NOP56: variants seen among roughly 807,000 people sequenced by gnomAD.
NOP56 encodes the protein nucleolar protein 56.
NOP56 carries 31 observed loss-of-function variants against 58.3 expected under a neutral mutation model. The observed-to-expected ratio is 0.53, with a 90% CI of 0.40 to 0.72. The LOEUF (loss-of-function observed/expected upper bound fraction) is 0.72, where lower values mean the gene tolerates loss of function less well. NOP56 is among the 30% of genes least tolerant of loss of function. The pLI is 0.00. For synonymous variants in NOP56, 313 were observed against 282.8 expected (o/e 1.11, Z -1.07); for missense variants, 669 against 739.9 (o/e 0.90, Z 1.11).
rs2086843809 is a variant in NOP56 at position 2,657,652 on chromosome 20, T to C, written c.1420-277T>C. On this transcript the variant is annotated intron_variant, in intron 11 of 11. Coordinates refer to ENST00000329276, the MANE Select transcript of NOP56 (RefSeq NM_006392.4). ...TTTCTTAAACAGTGTTTCAGGGCCC[T>C]GTCTGGAACTTGGCATGATGGTTCT... 1.4e-5 allele frequency: 7 copies of C among 514,766 alleles called. No homozygotes were observed. In the East Asian group the frequency reaches 2.0e-4, roughly 14 times the overall value. The allele number at this position is 514,766 out of a possible 1,614,324, so 31.9% of individuals were successfully genotyped here.
At position 2,656,784 on chromosome 20, in the gene NOP56, G is replaced by A. The variant is rs145178382; in HGVS notation, c.1170G>A (p.Thr390=). ...CCCACACACATCCAGAGGTGCCCAC[G>A]AGTGTATTCGGGGAGAAGCTTCGAG... The part of the protein sequence containing the change: ...SRIDCFSEVP[T]SVFGEKLREQ... The change falls in exon 10 of 12, where the codon ACG becomes ACA. Residue 390 remains threonine (T), a synonymous_variant. Transcript: ENST00000329276. The A allele has an allele frequency of 2.5e-4, 405 of 1,614,142 alleles. No homozygotes were observed. The highest frequency in any genetic ancestry group is 7.5e-4 in the African/African-American group (56 of 75,036).
At position 2,657,179 on chromosome 20, in the gene NOP56, G is replaced by A. The variant is rs1313735458; in HGVS notation, c.1380G>A (p.Ala460=). The change falls in exon 11 of 12, where the codon GCG becomes GCA. Residue 460 remains alanine, a synonymous_variant. Transcript: ENST00000329276. Reference sequence around the variant, plus strand: ...AACGGCTGGCTGCACTTGCCCTCGCGTCTTCAGAAAACAGCAGTAGTACTC... The same window carrying A: ...AACGGCTGGCTGCACTTGCCCTCGCATCTTCAGAAAACAGCAGTAGTACTC... ...EKKRLAALAL[A]SSENSSSTPE... The A allele has an allele frequency of 7.4e-6, 12 of 1,614,142 alleles. No homozygotes were observed. The highest frequency in any genetic ancestry group is 1.7e-5 in the Admixed American group (1 of 60,006).
rs768776077 is a variant in NOP56 at position 2,653,417 on chromosome 20, C to T, written c.208+24C>T. ...AGGTAAGTCGGCCACCGCCAAGTGT[C>T]ACAGAGAGATGTGGTTCCTTTCGGT... On this transcript the variant is annotated intron_variant, in intron 3 of 11. Transcript: ENST00000329276. The T allele has an allele frequency of 3.2e-6, 5 of 1,581,926 alleles. No individual in the cohort carries two copies. In the East Asian group the frequency reaches 6.7e-5, roughly 21 times the overall value.
At position 2,658,348 on chromosome 20, in the gene NOP56, T is replaced by A; in HGVS notation, c.*54T>A. 1 of 1,605,798 alleles carries A rather than the reference T, an allele frequency of 6.2e-7. No homozygotes were observed. Among genetic ancestry groups the A allele is most frequent in the Non-Finnish European group, 8.5e-7 (1 of 1,176,154 alleles). On this transcript the variant is annotated 3_prime_UTR_variant, in exon 12 of 12. Transcript: ENST00000329276. ...GGGCATACCATAGCCCAAGGTGACA[T>A]TTCCCACCCTGTGCCGTGTTCCCCA... is the stretch of plus-strand genomic sequence containing the variant.
intron 7 of NOP56, 79 bp downstream of exon 7, chr20:2,655,825 C>T: frequency 6.2e-7 from 1 of 1,610,296 alleles, no homozygotes; most frequent in Admixed American, 1.7e-5. Flanking sequence ...TCGTGACCCA[C>T]CATGTCTTCC....
chr20:2,655,093 T>G, intron 5 of NOP56, 146 bp downstream of exon 5: 1 of 1,106,800 alleles, frequency 9.0e-7, no homozygotes, highest in Non-Finnish European at 1.4e-6. Flanking sequence ...CCACAGGCTG[T>G]GTTCTTACAC....
rs2086818432 is a variant in NOP56 at position 2,656,451 on chromosome 20, CCA to C, written c.1063_1064del (p.Thr355LeufsTer32). 6.2e-7 allele frequency: 1 copy of C among 1,614,196 alleles called. No homozygotes were observed. ...CCAAAATATGGACTCATTTTCCACT[CCA>C]CCTTCATTGGCCGAGCAGCTGCCAA... On this transcript the variant is annotated frameshift_variant, in exon 9 of 12. Transcript: ENST00000329276. LOFTEE classifies it high-confidence loss of function.
intron 4 of NOP56, 64 bp from the exon 5 acceptor site, chr20:2,654,685 G>C: frequency 1.9e-6 from 3 of 1,606,530 alleles, no homozygotes; most frequent in South Asian, 1.1e-5. Context: ...GGCTGGGCTG[G>C]TGCCCGTGGG....
chr20:2,656,693 G>A, intron 9 of NOP56, 81 bp from the exon 10 acceptor site: 1 of 1,612,434 alleles, frequency 6.2e-7, no homozygotes, highest in Non-Finnish European at 8.5e-7. Flanking sequence ...GGGTCTGAGT[G>A]AAGCTGAGGG....
Position 2,658,328 on chromosome 20 carries a change from T to C in NOP56, c.*34T>C, listed in dbSNP as rs1442680479. The C allele has an allele frequency of 1.9e-6, 3 of 1,603,034 alleles. No homozygotes were observed. Among genetic ancestry groups the C allele is most frequent in the Non-Finnish European group, 2.6e-6 (3 of 1,174,534 alleles). On this transcript the variant is annotated 3_prime_UTR_variant, in exon 12 of 12. Transcript: ENST00000329276. ...TGGACATTCTCTGGGAGGTGGGGCA[T>C]ACCATAGCCCAAGGTGACATTTCCC...
chr20:2,656,936 T>A (rs762058856), intron 10 of NOP56, 41 bp downstream of exon 10: 2 of 1,614,002 alleles, frequency 1.2e-6, no homozygotes, highest in Non-Finnish European at 1.7e-6. Flanking sequence ...CATAGCTAGC[T>A]GTTGGAGGTG....
chr20:2,656,715 CAG>C, intron 9 of NOP56, 57 bp from the exon 10 acceptor site: 1 of 1,613,844 alleles, frequency 6.2e-7, no homozygotes, highest in South Asian at 1.1e-5. Context: ...AGAGGGAACA[CAG>C]GGTTGGGGTA....
In NOP56 at chr20:2,652,870, C is replaced by G; in HGVS notation, c.32C>G (p.Ala11Gly). 1 of 1,611,460 alleles carries G rather than the reference C, an allele frequency of 6.2e-7. No homozygotes were observed. The highest frequency in any genetic ancestry group is 8.5e-7 in the Non-Finnish European group (1 of 1,179,200). The change falls in exon 2 of 12, where the codon GCG becomes GGG. Residue 11 changes from alanine to glycine, a missense_variant. By Grantham distance (60) the Ala-to-Gly change is moderately conservative. Coordinates refer to ENST00000329276, the MANE Select transcript of NOP56 (RefSeq NM_006392.4). ...CTGTTGCACGTGCTGTTTGAGCACG[C>G]GGTCGGCTACGCGCTGCTGGCGCTG... MVLLHVLFEH[A>G]VGYALLALKE...
chr20:2,657,507 C>A, intron 11 of NOP56: 1 of 632,552 alleles, frequency 1.6e-6, no homozygotes. Context: ...AATTCCTGCT[C>A]TGCTTATTAT....
In NOP56 at chr20:2,652,926, C is replaced by T; in HGVS notation, c.88C>T (p.Pro30Ser). ...AGTGGAGGAGATCAGTCTGCTGCAG[C>T]CGCAGGTGGGTGAGATCCGTGGGCT... The part of the protein sequence containing the change: ...KEVEEISLLQ[P>S]QVEESVLNLG... Residue 30 changes from proline to serine, a missense_variant, in exon 2 of 12, where the codon CCG becomes TCG. By Grantham distance (74) the Pro-to-Ser change is moderately conservative. Transcript: ENST00000329276. 3 of 1,602,016 alleles carry T rather than the reference C, an allele frequency of 1.9e-6. No homozygotes were observed. Among genetic ancestry groups the T allele is most frequent in the Non-Finnish European group, 2.6e-6 (3 of 1,173,652 alleles).
chr20:2,656,104 G>C (rs1337668634), intron 8 of NOP56, 70 bp downstream of exon 8: 2 of 1,613,470 alleles, frequency 1.2e-6, no homozygotes, highest in East Asian at 2.2e-5. Flanking sequence ...GGGGATCACG[G>C]TGATGGCTGA....
At chr20:2,657,603 C>T in intron 11 of NOP56, 1 of 503,956 alleles carries the variant, frequency 2.0e-6, no homozygotes, top group Non-Finnish European at 3.6e-6. Context: ...ATCATTCTCC[C>T]TGAGATTTTC....
rs759082490 is a variant in NOP56 at position 2,655,414 on chromosome 20, G to A, written c.659G>A (p.Arg220Gln). Residue 220 changes from arginine (R) to glutamine (Q), a missense_variant, in exon 6 of 12, where the codon CGA becomes CAA. Coordinates refer to ENST00000329276, the MANE Select transcript of NOP56 (RefSeq NM_006392.4). The stretch of plus-strand genomic sequence containing the variant: ...CGTCTTGCCCAGTTTATTGGAAACC[G>A]AAGGGAACTGAATGAGGACAAGCTG... ...YCRLAQFIGN[R>Q]RELNEDKLEK... 2.1e-5 allele frequency: 34 copies of A among 1,614,012 alleles called. No homozygotes were observed. The highest frequency in any genetic ancestry group is 2.7e-5 in the African/African-American group (2 of 74,894).
At chr20:2,656,131 T>C in intron 8 of NOP56, 97 bp downstream of exon 8, 3 of 1,612,074 alleles carry the variant, frequency 1.9e-6, no homozygotes, top group Non-Finnish European at 2.5e-6. Context: ...CTCCCTGACC[T>C]ATACAGGCCT....
Sources: gnomAD v4.1 joint callset for allele counts on GRCh38, gnomAD v4.1.1 for gene constraint, MANE v1.5 for transcripts, NCBI Gene and HGNC (gene_info 2026-07-23, HGNC 2026-07-21) for gene names.